The following CECR2 variants were observed in gnomAD, a reference collection of about 807,000 sequenced individuals.
CECR2 encodes the protein CECR2 histone acetyl-lysine reader, also known as chromatin remodeling regulator CECR2.
CECR2 carries 30 observed loss-of-function variants against 154.5 expected under a neutral mutation model. The observed-to-expected ratio is 0.19, with a 90% CI of 0.15 to 0.26. The LOEUF (loss-of-function observed/expected upper bound fraction) is 0.26, where lower values mean the gene tolerates loss of function less well. Ranked by LOEUF, CECR2 falls within the 10% of genes least tolerant of loss-of-function variation. The pLI, the probability that CECR2 is intolerant of heterozygous loss-of-function variation, is 1.00. For missense variants in CECR2, 1,743 were observed against 1,829.3 expected (o/e 0.95, Z 0.86); for synonymous variants, 725 against 683.7 (o/e 1.06, Z -0.94).
intron 9 of CECR2, among the ~76,000 whole-genome samples, chr22:17,532,830 G>A (rs927370602): frequency 1.5e-5 from 2 of 137,456 alleles, no homozygotes; most frequent in African/African-American, 2.7e-5. Flanking sequence ...TAATTCTCCT[G>A]CCTCAGCCTC....
intron 1 of CECR2, among the ~76,000 whole-genome samples, chr22:17,416,531 T>C (rs551823606): frequency 3.9e-5 from 6 of 152,190 alleles, no homozygotes; most frequent in Non-Finnish European, 7.4e-5. Flanking sequence ...GTTATTATTA[T>C]ATTGTTATTT....
intron 1 of CECR2, among the ~76,000 whole-genome samples, chr22:17,453,325 C>T (rs1415926545): frequency 6.6e-6 from 1 of 152,018 alleles, no homozygotes; most frequent in East Asian, 1.9e-4. Context: ...GCCTGTAATC[C>T]CAGCTACTCG....
rs548836734 is a variant in CECR2, at chr22:17,404,669, G to A, written c.126+34760G>A. Among the ~76,000 whole-genome samples, 21 of 131,280 alleles carry A rather than the reference G, an allele frequency of 1.6e-4. 4 individuals are homozygous for A. Among genetic ancestry groups the A allele is most frequent in the Middle Eastern group, 3.8e-3 (1 of 262 alleles). The allele number at this position is 131,280 out of a possible 152,430, so 86.1% of individuals were successfully genotyped here. The stretch of plus-strand genomic sequence containing the variant: ...ATTACAGGCGTGAACCACCGCGCCT[G>A]GCCCTGGACCCTGTTCTATGTCATT... On this transcript the variant is annotated intron_variant, in intron 1 of 18. Coordinates refer to ENST00000262608, the MANE Select transcript of CECR2 (RefSeq NM_001290047.2).
chr22:17,456,939 T>A (rs148420967), intron 1 of CECR2, among the ~76,000 whole-genome samples: 214 of 152,364 alleles, frequency 1.4e-3, no homozygotes, highest in African/African-American at 4.9e-3. Context: ...AGGGTAGAGT[T>A]TCATGTAGTA....
At chr22:17,482,759 T>C (rs866533656) in intron 2 of CECR2, among the ~76,000 whole-genome samples, 16 of 114,270 alleles carry the variant, frequency 1.4e-4, no homozygotes, top group African/African-American at 4.8e-4. Flanking sequence ...GGTTTTGAAC[T>C]CCTTTTTTTT....
At position 17,419,777 on chromosome 22, in the gene CECR2, CAG is replaced by C. The variant is rs367894840; in HGVS notation, c.126+49873_126+49874del. On this transcript the variant is annotated intron_variant, in intron 1 of 18. Transcript: ENST00000262608. The stretch of plus-strand genomic sequence containing the variant: ...GTTTGTAAAAAGATGATGGGGATAA[CAG>C]AGAGGCATTGGTCAAAAAATTTGGT... 101 of 293,736 alleles carry C rather than the reference CAG, an allele frequency of 3.4e-4. 1 individual carries two copies. In the East Asian group the frequency reaches 8.2e-3, roughly 24 times the overall value. 18.2% of individuals were successfully genotyped at this position (293,736 alleles called of 1,614,324 possible).
chr22:17,386,675 C>T lies in CECR2; in HGVS notation c.126+16766C>T, dbSNP rs551700857. On this transcript the variant is annotated intron_variant, in intron 1 of 18. Transcript: ENST00000262608. ...TGTGCCTTTTTTTTTTTTTTTGAGACGGAGTTTCACTCTTGTCCAGGCTCG... is the reference window on the plus strand; with the variant it reads ...TGTGCCTTTTTTTTTTTTTTTGAGATGGAGTTTCACTCTTGTCCAGGCTCG... Among the ~76,000 whole-genome samples the T allele has an allele frequency of 3.2e-3, 465 of 145,590 alleles. 3 individuals carry two copies. Among genetic ancestry groups the T allele is most frequent in the African/African-American group, 0.011 (429 of 39,000 alleles).
At chr22:17,434,446 A>G (rs556275939) in intron 1 of CECR2, among the ~76,000 whole-genome samples, 44 of 152,324 alleles carry the variant, frequency 2.9e-4, no homozygotes, top group African/African-American at 1.0e-3. Context: ...CAGGCAGTGC[A>G]AGAATCTTGC....
chr22:17,494,697 T>G (rs2055590857), intron 2 of CECR2, among the ~76,000 whole-genome samples: 1 of 151,720 alleles, frequency 6.6e-6, no homozygotes. Context: ...TGTTTAAGTG[T>G]TTTTTTGTTT....
chr22:17,466,688 G>A (rs371834485), intron 1 of CECR2, among the ~76,000 whole-genome samples: 4 of 150,672 alleles, frequency 2.7e-5, no homozygotes, highest in Non-Finnish European at 4.4e-5. Flanking sequence ...TGCACCTCCC[G>A]GGTTCAAGCA....
intron 1 of CECR2, among the ~76,000 whole-genome samples, chr22:17,408,863 T>C (rs374874746): frequency 2.1e-4 from 32 of 152,348 alleles, no homozygotes; most frequent in African/African-American, 7.7e-4. Context: ...TTTAGAATAG[T>C]CTAAGTCCCT....
At chr22:17,427,554 T>C (rs1027528627) in intron 1 of CECR2, among the ~76,000 whole-genome samples, 1 of 152,110 alleles carries the variant, frequency 6.6e-6, no homozygotes, top group South Asian at 2.1e-4. Context: ...TCGCTGACTT[T>C]AGGAGTGAAG....
chr22:17,394,788 T>C (rs926536798), intron 1 of CECR2, among the ~76,000 whole-genome samples: 2 of 152,236 alleles, frequency 1.3e-5, no homozygotes, highest in African/African-American at 4.8e-5. Flanking sequence ...GAGATGTTTT[T>C]CCATTTATTT....
At chr22:17,496,747 G>A (rs557962385) in intron 2 of CECR2, among the ~76,000 whole-genome samples, 15 of 152,068 alleles carry the variant, frequency 9.9e-5, no homozygotes, top group Non-Finnish European at 2.1e-4. Context: ...TGTCTGAACC[G>A]CAGGGTGTCT....
In CECR2 at chr22:17,370,880, C is replaced by G. The variant is rs1250627600; in HGVS notation, c.126+971C>G. Among the ~76,000 whole-genome samples the G allele has an allele frequency of 2.0e-5, 3 of 152,308 alleles. No individual in the cohort carries two copies. The East Asian group carries it at 5.8e-4, about 29-fold the overall frequency. On this transcript the variant is annotated intron_variant, in intron 1 of 18. Coordinates refer to ENST00000262608, the MANE Select transcript of CECR2 (RefSeq NM_001290047.2). ...TTGGCAGGTTGAATTGCCTTCTCTT[C>G]TATGGCAATATGTGTCGTGACTTTT... is the stretch of plus-strand genomic sequence containing the variant.
chr22:17,485,185 C>T (rs897308548), intron 2 of CECR2, among the ~76,000 whole-genome samples: 1 of 152,194 alleles, frequency 6.6e-6, no homozygotes, highest in African/African-American at 2.4e-5. Context: ...AGTCCTCTCC[C>T]ATCCTTCCAT....
chr22:17,414,313 T>C (rs1483409364), intron 1 of CECR2, among the ~76,000 whole-genome samples: 1 of 152,214 alleles, frequency 6.6e-6, no homozygotes, highest in African/African-American at 2.4e-5. Context: ...AGGAGACAGA[T>C]TCTCAGTGTT....
chr22:17,438,671 G>C (rs992726591), intron 1 of CECR2, among the ~76,000 whole-genome samples: 8 of 151,506 alleles, frequency 5.3e-5, no homozygotes, highest in African/African-American at 1.9e-4. Flanking sequence ...ATTAGTGTTA[G>C]CATATTTTAT....
chr22:17,499,671 C>A, intron 4 of CECR2, 122 bp downstream of exon 4: 2 of 978,196 alleles, frequency 2.0e-6, no homozygotes, highest in Non-Finnish European at 2.9e-6. Flanking sequence ...AGCATGCCTG[C>A]AAAGAGATGG....
Sources: gnomAD v4.1 joint callset for allele counts (sites outside exome capture counted in the v4.1 genomes callset) on GRCh38, gnomAD v4.1.1 for gene constraint, MANE v1.5 for transcripts, NCBI Gene and HGNC (gene_info 2026-07-23, HGNC 2026-07-21) for gene names.